Variants in LIPM observed in about 807,000 individuals in gnomAD.
LIPM encodes the protein lipase member M.
Under a neutral mutation model 42.4 loss-of-function variants are expected in LIPM, and 42 were observed. That is an observed-to-expected ratio of 0.99 (90% CI 0.77 to 1.28). The LOEUF (loss-of-function observed/expected upper bound fraction) is 1.28. Ranked by LOEUF, LIPM falls within the 50% of genes most tolerant of loss-of-function variation. The pLI is 0.00. For missense variants in LIPM, 524 were observed against 520.1 expected (o/e 1.01, Z -0.07); for synonymous variants, 177 against 173.3 (o/e 1.02, Z -0.17).
chr10:88,803,426 C>T (rs1843551078), intron 1 of LIPM, among the ~76,000 whole-genome samples: 1 of 152,086 alleles, frequency 6.6e-6, no homozygotes, highest in Non-Finnish European at 1.5e-5. Flanking sequence ...GCAAAGGTGT[C>T]AGCCTTTGCT....
intron 1 of LIPM, among the ~76,000 whole-genome samples, chr10:88,807,045 A>G (rs1843597820): frequency 6.6e-6 from 1 of 152,200 alleles, no homozygotes; most frequent in East Asian, 1.9e-4. Context: ...ACATGCACAC[A>G]TATACACTGC....
chr10:88,809,058 A>G (rs1411148917), intron 2 of LIPM, among the ~76,000 whole-genome samples: 1 of 151,778 alleles, frequency 6.6e-6, no homozygotes, highest in Non-Finnish European at 1.5e-5. Flanking sequence ...GGGTTCAAGC[A>G]ATTCTCCTGC....
chr10:88,814,908 A>T (rs1021934982), intron 4 of LIPM, among the ~76,000 whole-genome samples, 180 bp from the exon 5 acceptor site: 4 of 152,226 alleles, frequency 2.6e-5, no homozygotes, highest in African/African-American at 9.6e-5. Context: ...TATTTAACTC[A>T]TTGAGCACCT....
chr10:88,811,981 C>A (rs992379364), intron 2 of LIPM, among the ~76,000 whole-genome samples: 9 of 152,280 alleles, frequency 5.9e-5, no homozygotes, highest in Middle Eastern at 3.4e-3. Context: ...TCCTTTACAG[C>A]TGTTTTCCCT....
rs57762787 is a variant in LIPM at position 88,816,378 on chromosome 10, A to T, written c.859-438A>T. Among the ~76,000 whole-genome samples the T allele has an allele frequency of 0.016, 2,437 of 152,308 alleles. 107 individuals carry two copies. The East Asian group carries it at 0.17, about 11-fold the overall frequency. ...TATAGTAAGGATATGAAAAGTATAT[A>T]TTATGTATCAGGCTAATTTATTACC... On this transcript the variant is annotated intron_variant, in intron 6 of 8. Transcript: ENST00000404743.
At position 88,815,227 on chromosome 10, in the gene LIPM, A is replaced by C; in HGVS notation, c.711+3A>C. 1 of 1,550,522 alleles carries C rather than the reference A, an allele frequency of 6.4e-7. No homozygotes were observed. The highest frequency in any genetic ancestry group is 8.7e-7 in the Non-Finnish European group (1 of 1,146,688). On this transcript the variant is annotated splice_donor_region_variant and intron_variant, in intron 5 of 8. Transcript: ENST00000404743. ...TGCTGCCAGATATGATGATCAAGGT[A>C]TGAGACTCCTCAGAAAACTTCCTGT...
intron 1 of LIPM, among the ~76,000 whole-genome samples, chr10:88,806,253 C>G (rs758621713): frequency 2.6e-5 from 4 of 152,174 alleles, no homozygotes; most frequent in Non-Finnish European, 4.4e-5. Context: ...ATGTCCCTAT[C>G]CCTACCTCCT....
intron 2 of LIPM, 54 bp downstream of exon 2, chr10:88,808,469 T>C: frequency 9.8e-7 from 1 of 1,024,680 alleles, no homozygotes; most frequent in South Asian, 1.4e-5. Context: ...CAGTCACGAT[T>C]TCCTTGTGAT....
At chr10:88,805,709 C>A (rs926594734) in intron 1 of LIPM, among the ~76,000 whole-genome samples, 1 of 152,208 alleles carries the variant, frequency 6.6e-6, no homozygotes, top group African/African-American at 2.4e-5. Flanking sequence ...TCTACAACAT[C>A]ATTTCACCTT....
chr10:88,816,969 G>T (rs897604266), intron 7 of LIPM, 82 bp downstream of exon 7: 3 of 1,027,106 alleles, frequency 2.9e-6, no homozygotes, highest in Non-Finnish European at 3.0e-6. Context: ...ATTTAGATAA[G>T]CCAGGGATTA....
chr10:88,808,437 C>G (rs1029797251), intron 2 of LIPM, 22 bp downstream of exon 2: 11 of 1,298,374 alleles, frequency 8.5e-6, no homozygotes, highest in Non-Finnish European at 1.2e-5. Context: ...CCCATGTCAC[C>G]GCAACACAGC....
intron 2 of LIPM, among the ~76,000 whole-genome samples, chr10:88,808,910 C>CATTGTATTTTATTTATTTTATTTTATTTT: frequency 7.4e-6 from 1 of 135,418 alleles, no homozygotes; most frequent in African/African-American, 2.8e-5. Context: ...TCTATACATA[C>CATTGTATTTTATTTATTTTATTTTATTTT]ATTTTATTTT....
At chr10:88,814,341 G>A (rs547531829) in intron 3 of LIPM, among the ~76,000 whole-genome samples, 189 bp from the exon 4 acceptor site, 4 of 152,318 alleles carry the variant, frequency 2.6e-5, no homozygotes, top group African/African-American at 9.6e-5. Context: ...TTTGCTGACA[G>A]CCTGTGACTC....
chr10:88,817,548 G>A (rs1227877403), intron 7 of LIPM, among the ~76,000 whole-genome samples: 2 of 152,170 alleles, frequency 1.3e-5, no homozygotes, highest in African/African-American at 4.8e-5. Flanking sequence ...CACAGTTGTG[G>A]AGGATACCCA....
intron 4 of LIPM, 52 bp downstream of exon 4, chr10:88,814,691 G>A (rs577103878): frequency 8.3e-6 from 11 of 1,320,316 alleles, no homozygotes; most frequent in East Asian, 5.0e-5. Flanking sequence ...GTGAGCATAC[G>A]ACACTAGCTA....
Position 88,803,024 on chromosome 10 carries a change from C to T in LIPM, c.128C>T (p.Pro43Leu), listed in dbSNP as rs1843546244. 1 of 1,550,634 alleles carries T rather than the reference C, an allele frequency of 6.4e-7. No individual in the cohort carries two copies. Among genetic ancestry groups the T allele is most frequent in the South Asian group, 1.2e-5 (1 of 83,782 alleles). ...SVHMPTKAVD[P>L]EAFMNISEII... ...CATATGCCAACTAAAGCTGTGGACC[C>T]AGAAGCATTCATGAATATTGTAAGT... Residue 43 changes from proline to leucine, a missense_variant, in exon 1 of 9, where the codon CCA (proline) becomes CTA (leucine). Coordinates refer to ENST00000404743, the MANE Select transcript of LIPM (RefSeq NM_001128215.1).
intron 3 of LIPM, 63 bp downstream of exon 3, chr10:88,813,358 A>G: frequency 7.6e-7 from 1 of 1,310,194 alleles, no homozygotes; most frequent in Non-Finnish European, 1.0e-6. Context: ...TGGGTAAAAA[A>G]TTACGGCTTC....
chr10:88,817,266 A>G (rs963276866), intron 7 of LIPM, among the ~76,000 whole-genome samples: 1 of 152,198 alleles, frequency 6.6e-6, no homozygotes, highest in African/African-American at 2.4e-5. Context: ...GGGTCTGTCA[A>G]AAGAGATATT....
chr10:88,812,728 T>C (rs911000700), intron 2 of LIPM, among the ~76,000 whole-genome samples: 1 of 152,242 alleles, frequency 6.6e-6, no homozygotes, highest in Admixed American at 6.5e-5. Context: ...GGTATACATA[T>C]ACCTTAATAA....
Sources: gnomAD v4.1 joint callset for allele counts (sites outside exome capture counted in the v4.1 genomes callset) on GRCh38, gnomAD v4.1.1 for gene constraint, MANE v1.5 for transcripts, NCBI Gene and HGNC (gene_info 2026-07-23, HGNC 2026-07-21) for gene names.